Variants in FRS2 observed in about 807,000 individuals in gnomAD.
The protein encoded by FRS2 is FGFR signalling adaptor.
A neutral mutation model predicts 43.9 loss-of-function variants in FRS2; 8 were observed. That is an observed-to-expected ratio of 0.18 (90% CI 0.11 to 0.33). The LOEUF (loss-of-function observed/expected upper bound fraction) is 0.33. Ranked by LOEUF, FRS2 falls within the 10% of genes least tolerant of loss-of-function variation. FRS2 has a pLI of 1.00. For synonymous variants in FRS2, 219 were observed against 220.3 expected, an observed-to-expected ratio of 0.99 and a Z score of 0.05; for missense variants, 534 against 627.6, an observed-to-expected ratio of 0.85 and a Z score of 1.59.
intron 1 of FRS2, among the ~76,000 whole-genome samples, chr12:69,524,802 G>C (rs1876037907): frequency 6.6e-6 from 1 of 152,154 alleles, no homozygotes; most frequent in Non-Finnish European, 1.5e-5. Context: ...AGCTGTCCCT[G>C]CCAACTCAAG....
chr12:69,507,323 G>A lies in FRS2; in HGVS notation c.-260-23542G>A, dbSNP rs1332332113. ...TAAATACTTGGCATTTTTTTTGGTT[G>A]TTATATCTCTGACTATGTTTCTGTC... On this transcript the variant is annotated intron_variant, in intron 1 of 8. Coordinates refer to ENST00000549921, the MANE Select transcript of FRS2 (RefSeq NM_001278356.2). 4.6e-5 allele frequency among the ~76,000 whole-genome samples: 7 copies of A among 152,138 alleles called. No individual in the cohort carries two copies. In the East Asian group the frequency reaches 1.3e-3, roughly 29 times the overall value.
chr12:69,573,203 T>C (rs1880909912), intron 8 of FRS2, among the ~76,000 whole-genome samples: 1 of 152,228 alleles, frequency 6.6e-6, no homozygotes, highest in Non-Finnish European at 1.5e-5. Context: ...ATTTCTTACT[T>C]GGTGGCATTT....
intron 3 of FRS2, among the ~76,000 whole-genome samples, chr12:69,558,426 C>T (rs901113970): frequency 6.6e-5 from 10 of 152,174 alleles, no homozygotes; most frequent in Non-Finnish European, 1.3e-4. Context: ...TACGAACTGA[C>T]CCTTGGTGAA....
chr12:69,549,727 TCTG>T (rs1251094691), intron 3 of FRS2, among the ~76,000 whole-genome samples: 3 of 152,246 alleles, frequency 2.0e-5, no homozygotes, highest in Non-Finnish European at 2.9e-5. Flanking sequence ...CTGTCTCTGT[TCTG>T]CTCTTCCATA....
intron 1 of FRS2, among the ~76,000 whole-genome samples, chr12:69,483,555 T>A (rs1434349364): frequency 1.3e-5 from 2 of 152,108 alleles, no homozygotes; most frequent in Non-Finnish European, 2.9e-5. Context: ...TTTTATAGCC[T>A]TTTTCATATA....
chr12:69,520,860 G>C (rs931760162), intron 1 of FRS2, among the ~76,000 whole-genome samples: 1 of 152,018 alleles, frequency 6.6e-6, no homozygotes, highest in African/African-American at 2.4e-5. Context: ...GATGGCTCCT[G>C]CTTTGTTCTT....
chr12:69,542,250 G>C (rs1275585871), intron 3 of FRS2, among the ~76,000 whole-genome samples: 1 of 152,124 alleles, frequency 6.6e-6, no homozygotes, highest in Non-Finnish European at 1.5e-5. Context: ...AACAGGTTCA[G>C]CCTTATCAAC....
chr12:69,531,767 C>T (rs1011584663), intron 2 of FRS2, among the ~76,000 whole-genome samples: 5 of 151,968 alleles, frequency 3.3e-5, no homozygotes, highest in African/African-American at 1.2e-4. Flanking sequence ...CACATATCAT[C>T]AGGTACCTAG....
intron 1 of FRS2, among the ~76,000 whole-genome samples, chr12:69,517,891 C>A (rs76270497): frequency 6.6e-6 from 1 of 152,042 alleles, no homozygotes; most frequent in Admixed American, 6.6e-5. Flanking sequence ...CAGGCATTTT[C>A]CCCCCACTCT....
chr12:69,573,710 G>A (rs1200462544), intron 8 of FRS2, among the ~76,000 whole-genome samples: 1 of 152,178 alleles, frequency 6.6e-6, no homozygotes, highest in African/African-American at 2.4e-5. Flanking sequence ...TGATCCACCC[G>A]CTTCAGTGTC....
At position 69,486,770 on chromosome 12, in the gene FRS2, T is replaced by C. The variant is rs1044642961; in HGVS notation, c.-261+16240T>C. On this transcript the variant is annotated intron_variant, in intron 1 of 8. Transcript: ENST00000549921. The stretch of plus-strand genomic sequence containing the variant: ...TCTTATTGCTGGTATGGAGAAAGTT[T>C]TAATGGCCTGAATAGAAGATCAAAC... 3.9e-5 allele frequency among the ~76,000 whole-genome samples: 6 copies of C among 152,338 alleles called. No homozygotes were observed. The South Asian group carries it at 8.3e-4, about 21-fold the overall frequency.
intron 3 of FRS2, 96 bp from the exon 4 acceptor site, chr12:69,562,084 A>C: frequency 2.5e-6 from 1 of 393,736 alleles, no homozygotes; most frequent in Non-Finnish European, 4.5e-6. Flanking sequence ...AGTTTGTTTA[A>C]ATAGATTAAC....
At chr12:69,539,070 A>C (rs1327687183) in intron 3 of FRS2, among the ~76,000 whole-genome samples, 3 of 151,842 alleles carry the variant, frequency 2.0e-5, no homozygotes. Context: ...TTGGATTTCA[A>C]GGTTTTTGTT....
rs533157225 is a variant in FRS2, at chr12:69,515,115, A to G, written c.-260-15750A>G. Reference sequence around the variant, plus strand: ...GTAACCTGCCCAAGATTGTACAGTTAGTGATAGCAGTGTTGGGATATAAAT... The same window carrying G: ...GTAACCTGCCCAAGATTGTACAGTTGGTGATAGCAGTGTTGGGATATAAAT... On this transcript the variant is annotated intron_variant, in intron 1 of 8. Transcript: ENST00000549921. 5.3e-5 allele frequency among the ~76,000 whole-genome samples: 8 copies of G among 152,368 alleles called. No homozygotes were observed. The South Asian group carries it at 1.7e-3, about 32-fold the overall frequency.
intron 3 of FRS2, among the ~76,000 whole-genome samples, chr12:69,558,127 A>C (rs1211687605): frequency 1.3e-5 from 2 of 152,092 alleles, no homozygotes; most frequent in Non-Finnish European, 2.9e-5. Context: ...AAAGTGTGTG[A>C]GTTTTCTGGG....
At chr12:69,550,281 A>C (rs1430190249) in intron 3 of FRS2, among the ~76,000 whole-genome samples, 7 of 152,206 alleles carry the variant, frequency 4.6e-5, no homozygotes, top group Non-Finnish European at 8.8e-5. Context: ...GTATCACTCT[A>C]ATCCATCCTT....
At chr12:69,522,631 G>A (rs1288758480) in intron 1 of FRS2, among the ~76,000 whole-genome samples, 1 of 152,038 alleles carries the variant, frequency 6.6e-6, no homozygotes, top group East Asian at 1.9e-4. Context: ...CTTGTCTTCT[G>A]CTAGCTTTGG....
rs7303381 is a variant in FRS2 at position 69,477,736 on chromosome 12, A to G, written c.-261+7206A>G. Among the ~76,000 whole-genome samples the G allele has an allele frequency of 2.8e-5, 4 of 145,108 alleles. 1 individual carries two copies. The highest frequency in any genetic ancestry group is 1.1e-4 in the African/African-American group (4 of 38,066). Reference sequence around the variant, plus strand: ...TATTTATTTATTTATTTATTTATTTATTTATTTATTTATTTATTTTTTGAG... The same window carrying G: ...TATTTATTTATTTATTTATTTATTTGTTTATTTATTTATTTATTTTTTGAG... On this transcript the variant is annotated intron_variant, in intron 1 of 8. Coordinates refer to ENST00000549921, the MANE Select transcript of FRS2 (RefSeq NM_001278356.2).
intron 4 of FRS2, 127 bp downstream of exon 4, chr12:69,562,401 C>T (rs113232444): frequency 5.2e-6 from 2 of 385,028 alleles, no homozygotes; most frequent in Non-Finnish European, 9.2e-6. Flanking sequence ...TGAGCTCAAG[C>T]GATTCTCCAC....
Sources: allele counts gnomAD v4.1 joint callset (sites outside exome capture counted in the v4.1 genomes callset), GRCh38; gene constraint gnomAD v4.1.1; transcripts MANE v1.5; gene names NCBI Gene and HGNC (gene_info 2026-07-23, HGNC 2026-07-21).